The following BIRC6 variants were observed in gnomAD, a reference collection of about 807,000 sequenced individuals.
BIRC6 encodes the protein dual E2 ubiquitin-conjugating enzyme/E3 ubiquitin-protein ligase BIRC6.
BIRC6 carries 98 observed loss-of-function variants against 503.3 expected under a neutral mutation model. The observed-to-expected ratio is 0.19, with a 90% confidence interval of 0.17 to 0.23. The LOEUF (loss-of-function observed/expected upper bound fraction) is 0.23, where lower values mean the gene tolerates loss of function less well. Ranked by LOEUF, BIRC6 falls within the 10% of genes least tolerant of loss-of-function variation. BIRC6 has a pLI of 1.00. For missense variants in BIRC6, 5,360 were observed against 5,806.0 expected (o/e 0.92, Z 2.50); for synonymous variants, 2,240 against 2,078.7 (o/e 1.08, Z -2.11).
At chr2:32,369,102 C>A (rs193285392) in intron 1 of BIRC6, among the ~76,000 whole-genome samples, 1 of 152,098 alleles carries the variant, frequency 6.6e-6, no homozygotes, top group Non-Finnish European at 1.5e-5. Flanking sequence ...CTGCATGATG[C>A]AAGATAGCAT....
intron 23 of BIRC6, among the ~76,000 whole-genome samples, chr2:32,459,087 AT>A (rs1025197715): frequency 6.6e-6 from 1 of 151,434 alleles, no homozygotes; most frequent in Non-Finnish European, 1.5e-5. Flanking sequence ...TGATTTTCTA[AT>A]TTTTTTTTAA....
At chr2:32,505,362 T>G in intron 50 of BIRC6, 157 bp downstream of exon 50, 1 of 615,584 alleles carries the variant, frequency 1.6e-6, no homozygotes, top group Non-Finnish European at 2.8e-6. Flanking sequence ...TACTACCAAG[T>G]CATTTTAGGA....
At chr2:32,403,088 CA>C (rs964779839) in intron 8 of BIRC6, among the ~76,000 whole-genome samples, 3 of 152,136 alleles carry the variant, frequency 2.0e-5, no homozygotes, top group African/African-American at 7.2e-5. Context: ...AAGTCTCAAA[CA>C]AATCATACAA....
intron 5 of BIRC6, 51 bp from the exon 6 acceptor site, chr2:32,395,460 T>C: frequency 1.5e-6 from 2 of 1,331,362 alleles, no homozygotes; most frequent in Non-Finnish European, 2.1e-6. Flanking sequence ...ATTATAAAGC[T>C]ATTTTAATAA....
At chr2:32,498,668 A>G (rs528353575) in intron 45 of BIRC6, among the ~76,000 whole-genome samples, 4 of 151,500 alleles carry the variant, frequency 2.6e-5, no homozygotes, top group Non-Finnish European at 5.9e-5. Flanking sequence ...ACTCACTGCA[A>G]CCTCCTCCTC....
intron 9 of BIRC6, among the ~76,000 whole-genome samples, chr2:32,407,797 G>A (rs948137582): frequency 2.0e-5 from 3 of 151,882 alleles, no homozygotes; most frequent in African/African-American, 7.3e-5. Context: ...CACCAAATAA[G>A]GCAGGAAAAT....
At chr2:32,385,810 T>G (rs774935148) in intron 3 of BIRC6, among the ~76,000 whole-genome samples, 1 of 152,216 alleles carries the variant, frequency 6.6e-6, no homozygotes, top group Non-Finnish European at 1.5e-5. Flanking sequence ...CACATTCAAG[T>G]ATGCTAAATA....
chr2:32,615,583 G>A (rs2063175113), intron 73 of BIRC6, among the ~76,000 whole-genome samples: 1 of 151,992 alleles, frequency 6.6e-6, no homozygotes, highest in Non-Finnish European at 1.5e-5. Context: ...GTAAATAAAT[G>A]TTGTTTAATT....
At chr2:32,476,476 G>T (rs975649874) in intron 34 of BIRC6, 132 bp downstream of exon 34, 61 of 864,548 alleles carry the variant, frequency 7.1e-5, no homozygotes, top group Admixed American at 2.3e-4. Context: ...ACTTTTTTTT[G>T]GTGGGGTAGT....
intron 72 of BIRC6, among the ~76,000 whole-genome samples, chr2:32,610,728 C>T (rs772878862): frequency 1.2e-4 from 18 of 152,124 alleles, no homozygotes; most frequent in Non-Finnish European, 1.9e-4. Context: ...ACACTCTTTT[C>T]TGCTATAAAT....
chr2:32,461,060 C>T (rs1480277179), intron 23 of BIRC6, among the ~76,000 whole-genome samples: 1 of 64,566 alleles, frequency 1.5e-5, no homozygotes, highest in East Asian at 4.1e-4. Flanking sequence ...CTCTTCTCTT[C>T]TCTTCTGTTC....
At chr2:32,384,045 C>A (rs1348758435) in intron 3 of BIRC6, among the ~76,000 whole-genome samples, 1 of 152,200 alleles carries the variant, frequency 6.6e-6, no homozygotes, top group Non-Finnish European at 1.5e-5. Context: ...CTCAAAGTTG[C>A]TGGGTAGCAA....
intron 1 of BIRC6, among the ~76,000 whole-genome samples, chr2:32,362,229 T>G (rs1269675230): frequency 1.3e-5 from 2 of 152,208 alleles, no homozygotes; most frequent in African/African-American, 4.8e-5. Context: ...GTATCTCCTT[T>G]TTTAAAATTG....
At chr2:32,431,123 G>C (rs144917907) in intron 12 of BIRC6, 33 bp downstream of exon 12, 1 of 1,293,486 alleles carries the variant, frequency 7.7e-7, no homozygotes, top group East Asian at 3.7e-5. Flanking sequence ...TTAATTTTAA[G>C]TCCATCTTGT....
chr2:32,386,076 A>G lies in BIRC6; in HGVS notation c.646-2674A>G, dbSNP rs556939552. On this transcript the variant is annotated intron_variant, in intron 3 of 73. Coordinates refer to ENST00000421745, the MANE Select transcript of BIRC6 (RefSeq NM_016252.4). ...CATCTGGACCAATCAGCGTGCTGTC[A>G]TGATGTAGTGGACCATTATGTTGAT... Among the ~76,000 whole-genome samples the G allele has an allele frequency of 2.6e-5, 4 of 152,280 alleles. No individual in the cohort carries two copies. In the East Asian group the frequency reaches 5.8e-4, roughly 22 times the overall value.
chr2:32,602,493 A>G (rs1215945052), intron 70 of BIRC6: 1 of 152,294 alleles, frequency 6.6e-6, no homozygotes, highest in Non-Finnish European at 1.5e-5. Context: ...ACAACTAGAT[A>G]GGAGGAATAG....
intron 1 of BIRC6, among the ~76,000 whole-genome samples, chr2:32,360,971 A>G (rs1399170582): frequency 6.6e-6 from 1 of 152,120 alleles, no homozygotes; most frequent in Non-Finnish European, 1.5e-5. Context: ...CCCAGGCTGG[A>G]GTGCAGTGAT....
intron 61 of BIRC6, among the ~76,000 whole-genome samples, chr2:32,537,690 G>A (rs1420447529): frequency 2.0e-5 from 3 of 152,166 alleles, no homozygotes; most frequent in African/African-American, 7.2e-5. Context: ...ATTTAGGCCG[G>A]GCGCAGTGGC....
At chr2:32,537,821 C>G (rs912968325) in intron 61 of BIRC6, among the ~76,000 whole-genome samples, 15 of 151,920 alleles carry the variant, frequency 9.9e-5, no homozygotes, top group Non-Finnish European at 7.4e-5. Flanking sequence ...AAAAAATTAG[C>G]CGGGCGGGGT....
Sources: allele counts gnomAD v4.1 joint callset (sites outside exome capture counted in the v4.1 genomes callset), GRCh38; gene constraint gnomAD v4.1.1; transcripts MANE v1.5; gene names NCBI Gene and HGNC (gene_info 2026-07-23, HGNC 2026-07-21).